Variants in TLL1 observed in about 807,000 individuals in gnomAD.
The protein encoded by TLL1 is tolloid like 1.
A neutral mutation model predicts 128.2 loss-of-function variants in TLL1; 49 were observed. That is an observed-to-expected ratio of 0.38 (90% CI 0.30 to 0.48). The LOEUF is 0.48. Ranked by LOEUF, TLL1 falls within the 20% of genes least tolerant of loss-of-function variation. The pLI is 0.96. For synonymous variants in TLL1, 454 were observed against 418.8 expected, an observed-to-expected ratio of 1.08 and a Z score of -1.03; for missense variants, 1,123 against 1,242.0, an observed-to-expected ratio of 0.90 and a Z score of 1.44.
At chr4:165,986,306 T>C (rs1255269371) in intron 1 of TLL1, among the ~76,000 whole-genome samples, 1 of 152,062 alleles carries the variant, frequency 6.6e-6, no homozygotes, top group Admixed American at 6.6e-5. Flanking sequence ...TAAAATATTT[T>C]AGTACACAGA....
intron 1 of TLL1, among the ~76,000 whole-genome samples, chr4:165,896,607 C>G (rs188613403): frequency 6.6e-6 from 1 of 151,498 alleles, no homozygotes; most frequent in South Asian, 2.1e-4. Context: ...CTCAGCCTCC[C>G]AAGTAGTTGG....
At chr4:165,920,196 G>A (rs1732982310) in intron 1 of TLL1, among the ~76,000 whole-genome samples, 1 of 152,178 alleles carries the variant, frequency 6.6e-6, no homozygotes, top group Admixed American at 6.5e-5. Flanking sequence ...GGACATTGGA[G>A]TTGCTTTGCA....
intron 12 of TLL1, chr4:166,053,146 A>G (rs1739837164): frequency 6.6e-6 from 1 of 151,758 alleles, no homozygotes; most frequent in South Asian, 2.1e-4. Context: ...TATGAAAAGT[A>G]TCCAATGAGC....
intron 6 of TLL1, among the ~76,000 whole-genome samples, chr4:166,005,564 G>GT (rs1485163448): frequency 1.3e-5 from 2 of 151,164 alleles, no homozygotes; most frequent in African/African-American, 2.4e-5. Context: ...ATCAAAATAA[G>GT]TTAAAAAAAA....
intron 10 of TLL1, among the ~76,000 whole-genome samples, chr4:166,041,352 G>C (rs1337044434): frequency 6.7e-6 from 1 of 149,590 alleles, no homozygotes; most frequent in African/African-American, 2.5e-5. Context: ...CCAGGCTGGA[G>C]TGCAGTGGTG....
At chr4:166,075,287 T>C (rs1485963417) in intron 17 of TLL1, among the ~76,000 whole-genome samples, 3 of 152,200 alleles carry the variant, frequency 2.0e-5, no homozygotes, top group Non-Finnish European at 2.9e-5. Context: ...CAGGTCTTTG[T>C]GGAACAGACC....
At position 166,055,682 on chromosome 4, in the gene TLL1, T is replaced by A. The variant is rs111272798; in HGVS notation, c.1720+411T>A. Among the ~76,000 whole-genome samples the A allele has an allele frequency of 7.2e-3, 1,098 of 152,256 alleles. 12 individuals are homozygous for A. The highest frequency in any genetic ancestry group is 0.025 in the African/African-American group (1,040 of 41,552). On this transcript the variant is annotated intron_variant, in intron 13 of 20. Coordinates refer to ENST00000061240, the MANE Select transcript of TLL1 (RefSeq NM_012464.5). ...GTATTCCCCCACATTGAAAATAATT[T>A]ATGACCTCCTTAGCAGAATATTCTG...
chr4:165,892,899 T>C (rs571017442), intron 1 of TLL1, among the ~76,000 whole-genome samples: 5 of 152,316 alleles, frequency 3.3e-5, no homozygotes, highest in Admixed American at 1.3e-4. Context: ...GAAATTATTC[T>C]GACCTTATAT....
chr4:166,035,945 T>C (rs536680276), intron 9 of TLL1, among the ~76,000 whole-genome samples: 15 of 152,280 alleles, frequency 9.9e-5, no homozygotes, highest in African/African-American at 3.1e-4. Flanking sequence ...AAAAAAAATA[T>C]CGCCACTCTG....
chr4:166,062,857 G>T (rs1042919155), intron 15 of TLL1, among the ~76,000 whole-genome samples: 1 of 152,082 alleles, frequency 6.6e-6, no homozygotes, highest in Non-Finnish European at 1.5e-5. Flanking sequence ...CTGTGGGTTT[G>T]TCATAAATAG....
chr4:165,974,049 A>T (rs1243068293), intron 1 of TLL1, among the ~76,000 whole-genome samples: 2 of 151,058 alleles, frequency 1.3e-5, no homozygotes, highest in African/African-American at 4.9e-5. Context: ...TTCAAAGTAG[A>T]ACTGTACCCT....
At chr4:165,905,936 C>T (rs1359619152) in intron 1 of TLL1, among the ~76,000 whole-genome samples, 1 of 152,092 alleles carries the variant, frequency 6.6e-6, no homozygotes, top group African/African-American at 2.4e-5. Context: ...TCATTACGTT[C>T]TAGGAATGAT....
intron 1 of TLL1, among the ~76,000 whole-genome samples, chr4:165,974,333 G>T: frequency 7.6e-6 from 1 of 131,888 alleles, no homozygotes; most frequent in Non-Finnish European, 1.5e-5. Flanking sequence ...ATAGAGACGG[G>T]GTTTCACCGT....
chr4:166,100,382 C>G (rs942691570), intron 20 of TLL1, among the ~76,000 whole-genome samples: 2 of 152,068 alleles, frequency 1.3e-5, no homozygotes, highest in Non-Finnish European at 2.9e-5. Flanking sequence ...TTTAGTATCT[C>G]TTTACACTCT....
chr4:165,911,274 G>A (rs555595990), intron 1 of TLL1, among the ~76,000 whole-genome samples: 16 of 152,088 alleles, frequency 1.1e-4, no homozygotes, highest in Non-Finnish European at 2.1e-4. Context: ...TCCCGCATGT[G>A]AGTGAGTACA....
intron 8 of TLL1, among the ~76,000 whole-genome samples, chr4:166,015,977 T>G (rs1737922984): frequency 6.6e-6 from 1 of 151,984 alleles, no homozygotes; most frequent in Admixed American, 6.6e-5. Flanking sequence ...TTTTGCATCA[T>G]AATGATTCAA....
At chr4:165,995,861 C>A (rs1270648093) in intron 5 of TLL1, among the ~76,000 whole-genome samples, 1 of 152,110 alleles carries the variant, frequency 6.6e-6, no homozygotes, top group Admixed American at 6.6e-5. Flanking sequence ...GTACATCTTT[C>A]CTCCTTCCCA....
intron 1 of TLL1, among the ~76,000 whole-genome samples, chr4:165,974,483 T>G (rs1400137943): frequency 6.6e-6 from 1 of 152,196 alleles, no homozygotes; most frequent in Non-Finnish European, 1.5e-5. Context: ...GAGATGACAG[T>G]ATTTTTGTAT....
chr4:166,071,378 C>T (rs2111132757), intron 16 of TLL1, among the ~76,000 whole-genome samples: 1 of 151,926 alleles, frequency 6.6e-6, no homozygotes, highest in African/African-American at 2.4e-5. Flanking sequence ...TTTTCTTTAT[C>T]TTCCATGAAG....
Sources: gnomAD v4.1 joint callset for allele counts (sites outside exome capture counted in the v4.1 genomes callset) on GRCh38, gnomAD v4.1.1 for gene constraint, MANE v1.5 for transcripts, NCBI Gene and HGNC (gene_info 2026-07-23, HGNC 2026-07-21) for gene names.